Variants in WBP4 observed in about 807,000 individuals in gnomAD.
The protein encoded by WBP4 is WW domain binding protein 4, also known as WW domain-binding protein 4.
WBP4 carries 37 observed loss-of-function variants against 55.4 expected under a neutral mutation model. That is an observed-to-expected ratio of 0.67 (90% confidence interval 0.51 to 0.88). The LOEUF is 0.88. Among genes scored for constraint, WBP4 ranks in the 40% least tolerant of loss-of-function variants. The probability of loss-of-function intolerance (pLI) is 0.00; values close to 1 mark genes in which losing one functional copy is unlikely to be tolerated. For synonymous variants in WBP4, 142 were observed against 140.2 expected, an observed-to-expected ratio of 1.01 and a Z score of -0.09; for missense variants, 398 against 420.8, an observed-to-expected ratio of 0.95 and a Z score of 0.47.
rs946221110 is a variant in WBP4, at chr13:41,061,621, A to G, written c.-53A>G. ...AAGAGCTCGACTCGTCCCGCTGGGA[A>G]AGCGCGAGTCTGAGTGGAACCCTGG... On this transcript the variant is annotated 5_prime_UTR_variant, in exon 1 of 10. Transcript: ENST00000379487. 6 of 1,613,876 alleles carry G rather than the reference A, an allele frequency of 3.7e-6. No individual in the cohort carries two copies. The African/African-American group carries it at 5.3e-5, about 14-fold the overall frequency.
In WBP4 at chr13:41,065,173, A is replaced by G; in HGVS notation, c.148A>G (p.Lys50Glu). The change falls in exon 4 of 10, where the codon AAA becomes GAA. Residue 50 changes from lysine to glutamate, a missense_variant. Coordinates refer to ENST00000379487, the MANE Select transcript of WBP4 (RefSeq NM_007187.5). ...VAKRISEIKQ[K>E]SLDKAKEEEK... is the part of the protein sequence containing the mutation. ...TGTATGTCTTACATAGATTAAACAG[A>G]AAAGCCTGGATAAGGCAAAGGAAGA... is the stretch of plus-strand genomic sequence containing the variant. The G allele has an allele frequency of 6.2e-7, 1 of 1,612,104 alleles. No homozygotes were observed. The highest frequency in any genetic ancestry group is 8.5e-7 in the Non-Finnish European group (1 of 1,179,358).
At chr13:41,081,058 G>A (rs1216330550) in intron 9 of WBP4, among the ~76,000 whole-genome samples, 2 of 151,960 alleles carry the variant, frequency 1.3e-5, no homozygotes, top group African/African-American at 4.8e-5. Context: ...TTAGCTGGGT[G>A]TGGTGGCATG....
At chr13:41,080,145 C>T (rs1417501619) in intron 8 of WBP4, among the ~76,000 whole-genome samples, 2 of 152,042 alleles carry the variant, frequency 1.3e-5, no homozygotes, top group East Asian at 1.9e-4. Context: ...ACTAAAAGCC[C>T]GTACTTCACC....
intron 9 of WBP4, among the ~76,000 whole-genome samples, chr13:41,082,365 C>T (rs780018271): frequency 2.6e-5 from 4 of 152,092 alleles, no homozygotes; most frequent in Non-Finnish European, 2.9e-5. Flanking sequence ...CCTCCTGCCT[C>T]GGCCTCTCAA....
intron 5 of WBP4, among the ~76,000 whole-genome samples, chr13:41,069,989 C>T (rs571849652): frequency 3.4e-4 from 52 of 151,742 alleles, no homozygotes; most frequent in Non-Finnish European, 7.1e-4. Context: ...GTTTTTACTC[C>T]GTATACATTT....
At position 41,082,713 on chromosome 13, in the gene WBP4, A is replaced by G; in HGVS notation, c.930A>G (p.Val310=). 6.2e-7 allele frequency: 1 copy of G among 1,613,984 alleles called. No homozygotes were observed. Among genetic ancestry groups the G allele is most frequent in the African/African-American group, 1.3e-5 (1 of 75,050 alleles). ...IKQEVESHEE[V]DLELPSTENE... The stretch of plus-strand genomic sequence containing the variant: ...TTAACTCTATTTCCAGTGAGGAGGT[A>G]GATTTGGAACTTCCAAGCACTGAAA... Residue 310 remains valine (V), a synonymous_variant, in exon 10 of 10, where the codon GTA becomes GTG. Transcript: ENST00000379487.
chr13:41,067,225 A>T (rs781745203), intron 4 of WBP4, among the ~76,000 whole-genome samples: 42 of 152,144 alleles, frequency 2.8e-4, no homozygotes, highest in Non-Finnish European at 5.7e-4. Flanking sequence ...AAGTGCTGGG[A>T]TTACAAGCGT....
intron 5 of WBP4, among the ~76,000 whole-genome samples, chr13:41,070,931 G>A (rs531257991): frequency 3.3e-5 from 5 of 152,224 alleles, no homozygotes; most frequent in East Asian, 1.9e-4. Flanking sequence ...ATATTAATCC[G>A]TTAGAGTTTG....
intron 2 of WBP4, 40 bp downstream of exon 2, chr13:41,062,756 T>C (rs113780134): frequency 6.4e-7 from 1 of 1,566,480 alleles, no homozygotes; most frequent in Non-Finnish European, 8.7e-7. Context: ...ATAATAATTG[T>C]GTTGAATGAA....
At chr13:41,078,768 A>G (rs759312803) in intron 8 of WBP4, among the ~76,000 whole-genome samples, 5 of 152,138 alleles carry the variant, frequency 3.3e-5, no homozygotes, top group Non-Finnish European at 5.9e-5. Context: ...CGGAGGTTGC[A>G]GTGAGCTAAG....
chr13:41,076,388 C>T, intron 8 of WBP4, 151 bp downstream of exon 8: 1 of 621,422 alleles, frequency 1.6e-6, no homozygotes, highest in Admixed American at 3.7e-5. Context: ...AAGCAATTCT[C>T]CTGCCTCAGC....
intron 6 of WBP4, among the ~76,000 whole-genome samples, chr13:41,071,905 G>T (rs745760024): frequency 6.6e-6 from 1 of 152,002 alleles, no homozygotes; most frequent in Non-Finnish European, 1.5e-5. Flanking sequence ...TTAGCCAGGC[G>T]CAGTCGCAGT....
rs746440736 is a variant in WBP4 at position 41,072,822 on chromosome 13, A to G, written c.527A>G (p.Asp176Gly). 3.7e-5 allele frequency: 59 copies of G among 1,613,684 alleles called. No individual in the cohort carries two copies. The highest frequency in any genetic ancestry group is 4.7e-5 in the Non-Finnish European group (56 of 1,179,832). ...KTVWVEGLSEDGFTYYYNTET... is the reference protein window; with the variant it reads ...KTVWVEGLSEGGFTYYYNTET... ...GTTTGGGTAGAAGGTTTAAGTGAAG[A>G]TGGTTTTACCTATTACTATAATACA... The change falls in exon 7 of 10, where the codon GAT (aspartate) becomes GGT (glycine). Residue 176 changes from aspartate (D) to glycine (G), a missense_variant. Physicochemically the swap from Asp to Gly is moderately conservative, Grantham distance 94. Coordinates refer to ENST00000379487, the MANE Select transcript of WBP4 (RefSeq NM_007187.5).
In WBP4 at chr13:41,083,562, A is replaced by C. The variant is rs1048562283; in HGVS notation, c.*648A>C. On this transcript the variant is annotated 3_prime_UTR_variant, in exon 10 of 10. Coordinates refer to ENST00000379487, the MANE Select transcript of WBP4 (RefSeq NM_007187.5). ...TTAAGCATTTTAGTTTGAACCAGGCATTGTGTTAGGAATCCAGGGATAAAG... is the reference window on the plus strand; with the variant it reads ...TTAAGCATTTTAGTTTGAACCAGGCCTTGTGTTAGGAATCCAGGGATAAAG... 3 of 152,346 alleles carry C rather than the reference A, an allele frequency of 2.0e-5. No individual in the cohort carries two copies. The highest frequency in any genetic ancestry group is 4.4e-5 in the Non-Finnish European group (3 of 68,144). 9.4% of individuals were successfully genotyped at this position (152,346 alleles called of 1,614,324 possible).
In WBP4 at chr13:41,067,096, C is replaced by T. The variant is rs184670500; in HGVS notation, c.263-1465C>T. Among the ~76,000 whole-genome samples the T allele has an allele frequency of 2.0e-5, 3 of 152,224 alleles. No individual in the cohort carries two copies. The East Asian group carries it at 5.8e-4, about 29-fold the overall frequency. On this transcript the variant is annotated intron_variant, in intron 4 of 9. Coordinates refer to ENST00000379487, the MANE Select transcript of WBP4 (RefSeq NM_007187.5). ...CTCGACCTCCCGGGCTCCAGTGATCCTCCCACCTCAGCTCGTCACCAGTCC... is the reference window on the plus strand; with the variant it reads ...CTCGACCTCCCGGGCTCCAGTGATCTTCCCACCTCAGCTCGTCACCAGTCC...
intron 5 of WBP4, among the ~76,000 whole-genome samples, chr13:41,069,017 CTA>C (rs1292102718): frequency 6.6e-6 from 1 of 152,078 alleles, no homozygotes; most frequent in African/African-American, 2.4e-5. Context: ...TAAGTATAAA[CTA>C]CATGGAAATA....
intron 8 of WBP4, among the ~76,000 whole-genome samples, chr13:41,078,315 T>C (rs1382959314): frequency 6.6e-6 from 1 of 152,040 alleles, no homozygotes; most frequent in Non-Finnish European, 1.5e-5. Context: ...TGGAACAGAA[T>C]AGAGAACCCA....
At chr13:41,066,960 C>T (rs561347012) in intron 4 of WBP4, among the ~76,000 whole-genome samples, 1 of 152,242 alleles carries the variant, frequency 6.6e-6, no homozygotes, top group South Asian at 2.1e-4. Flanking sequence ...GAGTAACTAG[C>T]CAATCCTTTG....
intron 5 of WBP4, among the ~76,000 whole-genome samples, chr13:41,071,067 A>G (rs530957014): frequency 5.9e-5 from 9 of 152,310 alleles, no homozygotes; most frequent in African/African-American, 2.2e-4. Flanking sequence ...CTCCCTTCCA[A>G]TGCTTATTGC....
Sources: allele counts gnomAD v4.1 joint callset (sites outside exome capture counted in the v4.1 genomes callset), GRCh38; gene constraint gnomAD v4.1.1; transcripts MANE v1.5; gene names NCBI Gene and HGNC (gene_info 2026-07-23, HGNC 2026-07-21).